EVI5: variants seen among roughly 807,000 people sequenced by gnomAD.
EVI5 encodes ecotropic viral integration site 5, also known as ecotropic viral integration site 5 protein homolog.
A neutral mutation model predicts 112.0 loss-of-function variants in EVI5; 73 were observed. The ratio of observed to expected loss-of-function variants is 0.65; its 90% CI spans 0.54 to 0.79. The LOEUF is 0.79. Ranked by LOEUF, EVI5 falls within the 30% of genes least tolerant of loss-of-function variation. EVI5 has a pLI of 0.00. For synonymous variants in EVI5, 305 were observed against 319.9 expected, an observed-to-expected ratio of 0.95 and a Z score of 0.50; for missense variants, 900 against 968.8, an observed-to-expected ratio of 0.93 and a Z score of 0.94.
intron 2 of EVI5, among the ~76,000 whole-genome samples, chr1:92,705,282 G>A (rs962082257): frequency 1.3e-5 from 2 of 152,108 alleles, no homozygotes; most frequent in African/African-American, 2.4e-5. Flanking sequence ...TAAAAACTGA[G>A]CTATTACTAA....
intron 2 of EVI5, among the ~76,000 whole-genome samples, chr1:92,707,930 A>C (rs1315128574): frequency 6.6e-6 from 1 of 152,182 alleles, no homozygotes; most frequent in East Asian, 1.9e-4. Context: ...AAAAGAAATA[A>C]ACTGCTGACA....
At chr1:92,627,621 G>C (rs1340949305) in intron 14 of EVI5, among the ~76,000 whole-genome samples, 1 of 152,134 alleles carries the variant, frequency 6.6e-6, no homozygotes, top group Non-Finnish European at 1.5e-5. Flanking sequence ...CATAGTGGCA[G>C]TACTAGTTTA....
intron 9 of EVI5, among the ~76,000 whole-genome samples, chr1:92,687,632 A>C (rs529027144): frequency 5.6e-4 from 86 of 152,350 alleles, no homozygotes; most frequent in Admixed American, 9.1e-4. Context: ...AATCTTTGCA[A>C]TCTACCCATC....
In EVI5 at chr1:92,527,821, C is replaced by T. The variant is rs149271886; in HGVS notation, c.2167-13851G>A. 2.6e-3 allele frequency among the ~76,000 whole-genome samples: 401 copies of T among 152,252 alleles called. 1 individual carries two copies. Among genetic ancestry groups the T allele is most frequent in the African/African-American group, 9.3e-3 (386 of 41,536 alleles). On this transcript the variant is annotated intron_variant, in intron 19 of 19. Coordinates refer to ENST00000684568, the MANE Select transcript of EVI5 (RefSeq NM_001350197.2). The stretch of plus-strand genomic sequence containing the variant: ...TATAGCATGGTAGCTTATGCTTTTC[C>T]GGTGTGGCATAGTATTGCATTTGTG...
chr1:92,758,337 A>T (rs777117288), intron 1 of EVI5, among the ~76,000 whole-genome samples: 17 of 152,124 alleles, frequency 1.1e-4, no homozygotes, highest in Non-Finnish European at 2.1e-4. Flanking sequence ...GGAAGGCCAA[A>T]GCAGGTGGAT....
intron 1 of EVI5, among the ~76,000 whole-genome samples, chr1:92,755,551 T>C (rs901473354): frequency 1.3e-5 from 2 of 152,258 alleles, no homozygotes; most frequent in African/African-American, 2.4e-5. Flanking sequence ...GAAGTATCCA[T>C]GATACATGTC....
chr1:92,681,338 C>T (rs1414871927), intron 9 of EVI5, among the ~76,000 whole-genome samples: 2 of 152,134 alleles, frequency 1.3e-5, no homozygotes, highest in East Asian at 1.9e-4. Context: ...TACACACACA[C>T]ACTATATTTA....
intron 19 of EVI5, among the ~76,000 whole-genome samples, chr1:92,529,837 T>G (rs1662545612): frequency 6.6e-6 from 1 of 152,224 alleles, no homozygotes; most frequent in South Asian, 2.1e-4. Context: ...ATAATGTTTA[T>G]AGTATTTAAA....
intron 9 of EVI5, among the ~76,000 whole-genome samples, chr1:92,684,596 A>G (rs1387808924): frequency 6.6e-6 from 1 of 152,206 alleles, no homozygotes; most frequent in East Asian, 1.9e-4. Context: ...CAATTAAAAG[A>G]CACAGACTGG....
intron 1 of EVI5, among the ~76,000 whole-genome samples, chr1:92,749,487 G>A (rs1294573521): frequency 6.6e-6 from 1 of 152,048 alleles, no homozygotes; most frequent in Non-Finnish European, 1.5e-5. Flanking sequence ...CAACAGGAGA[G>A]ACTGCCTTGA....
chr1:92,790,495 A>G (rs1221153937), intron 1 of EVI5, among the ~76,000 whole-genome samples: 2 of 151,398 alleles, frequency 1.3e-5, no homozygotes, highest in South Asian at 2.1e-4. Flanking sequence ...TTCAACTCCT[A>G]CTAATGTTCA....
rs191709552 is a variant in EVI5 at position 92,683,463 on chromosome 1, A to G, written c.1098-6245T>C. 2.0e-4 allele frequency among the ~76,000 whole-genome samples: 30 copies of G among 152,340 alleles called. No individual in the cohort carries two copies. The East Asian group carries it at 5.4e-3, about 27-fold the overall frequency. On this transcript the variant is annotated intron_variant, in intron 9 of 19. Transcript: ENST00000684568. Reference sequence around the variant, plus strand: ...AACCACAAAGATGAGGAGAAACCAGAGAAGCTAAAAATTCCAAAACACAGA... The same window carrying G: ...AACCACAAAGATGAGGAGAAACCAGGGAAGCTAAAAATTCCAAAACACAGA...
intron 18 of EVI5, among the ~76,000 whole-genome samples, chr1:92,591,676 C>T (rs1029823269): frequency 6.6e-6 from 1 of 152,132 alleles, no homozygotes; most frequent in Non-Finnish European, 1.5e-5. Flanking sequence ...GACTTTAACA[C>T]CCCACTGTCA....
At chr1:92,725,465 A>G (rs1675421481) in intron 2 of EVI5, among the ~76,000 whole-genome samples, 1 of 152,212 alleles carries the variant, frequency 6.6e-6, no homozygotes, top group African/African-American at 2.4e-5. Context: ...AAATAGTCAA[A>G]CACGACAAGA....
At chr1:92,604,871 C>T in intron 18 of EVI5, among the ~76,000 whole-genome samples, 1 of 152,128 alleles carries the variant, frequency 6.6e-6, no homozygotes, top group Non-Finnish European at 1.5e-5. Flanking sequence ...ACCATATATG[C>T]TGTCCGTCAC....
chr1:92,790,397 G>C (rs1686002661), intron 1 of EVI5, among the ~76,000 whole-genome samples: 1 of 151,972 alleles, frequency 6.6e-6, no homozygotes, highest in African/African-American at 2.4e-5. Context: ...AGTGGCTACT[G>C]TCTGACAGCA....
intron 18 of EVI5, among the ~76,000 whole-genome samples, chr1:92,564,837 G>A (rs1410715249): frequency 1.3e-5 from 2 of 151,892 alleles, no homozygotes; most frequent in African/African-American, 2.4e-5. Flanking sequence ...CCAGCACTGC[G>A]CCTGGCTAAT....
chr1:92,774,929 T>G (rs1381306404), intron 1 of EVI5, among the ~76,000 whole-genome samples: 2 of 152,140 alleles, frequency 1.3e-5, no homozygotes, highest in East Asian at 3.8e-4. Flanking sequence ...GCAAGCAAAC[T>G]TAGGGGGTCA....
At chr1:92,715,469 A>G (rs527435434) in intron 2 of EVI5, among the ~76,000 whole-genome samples, 1 of 152,294 alleles carries the variant, frequency 6.6e-6, no homozygotes, top group East Asian at 1.9e-4. Context: ...ACATCTTTCA[A>G]CAACTCTAGT....
Sources: gnomAD v4.1 joint callset for allele counts (sites outside exome capture counted in the v4.1 genomes callset) on GRCh38, gnomAD v4.1.1 for gene constraint, MANE v1.5 for transcripts, NCBI Gene and HGNC (gene_info 2026-07-23, HGNC 2026-07-21) for gene names.